Variants in LYRM4 observed in about 807,000 individuals in gnomAD.
LYRM4 encodes the protein LYR motif containing 4, also known as LYR motif-containing protein 4.
LYRM4 carries 9 observed loss-of-function variants against 11.7 expected under a neutral mutation model. The ratio of observed to expected loss-of-function variants is 0.77; its 90% CI spans 0.46 to 1.34. The LOEUF is 1.34. Ranked by LOEUF, LYRM4 falls within the 40% of genes most tolerant of loss-of-function variation. The pLI, the probability that LYRM4 is intolerant of heterozygous loss-of-function variation, is 0.00. For synonymous variants in LYRM4, 42 were observed against 40.4 expected (o/e 1.04, Z -0.15); for missense variants, 133 against 112.5 (o/e 1.18, Z -0.82).
chr6:5,133,982 C>T (rs1242596637), intron 2 of LYRM4, among the ~76,000 whole-genome samples: 1 of 152,168 alleles, frequency 6.6e-6, no homozygotes, highest in African/African-American at 2.4e-5. Flanking sequence ...GTGGAAATAC[C>T]ACATATTGTT....
chr6:5,069,771 GC>G, the LYRM4 span, among the ~76,000 whole-genome samples: 2 of 152,124 alleles, frequency 1.3e-5, no homozygotes, highest in Non-Finnish European at 2.9e-5. Context: ...GAGCCACCGT[GC>G]CCGGCCTACA....
intron 2 of LYRM4, among the ~76,000 whole-genome samples, chr6:5,156,304 C>T (rs1758408491): frequency 6.6e-6 from 1 of 152,186 alleles, no homozygotes; most frequent in Non-Finnish European, 1.5e-5. Context: ...GTGGAGAGCC[C>T]CTGGGTCCTA....
At chr6:5,122,891 A>G (rs1287249483) in intron 2 of LYRM4, among the ~76,000 whole-genome samples, 1 of 152,120 alleles carries the variant, frequency 6.6e-6, no homozygotes, top group Admixed American at 6.5e-5. Context: ...GTCTCCTCCC[A>G]ATGGCTGCAG....
the LYRM4 span, chr6:5,066,764 A>C: frequency 2.7e-6 from 2 of 742,832 alleles, no homozygotes; most frequent in South Asian, 3.2e-5. Context: ...TGGTTACGTA[A>C]CGCTTAAAGT....
At chr6:5,071,206 A>G in the LYRM4 span, among the ~76,000 whole-genome samples, 2 of 147,104 alleles carry the variant, frequency 1.4e-5, no homozygotes, top group Non-Finnish European at 3.0e-5. Flanking sequence ...AAAAAAATTT[A>G]TAATGTAAGT....
chr6:5,149,577 G>A (rs953859013), intron 2 of LYRM4, among the ~76,000 whole-genome samples: 1 of 150,828 alleles, frequency 6.6e-6, no homozygotes, highest in Non-Finnish European at 1.5e-5. Context: ...CTAGAATTAG[G>A]GGAAGCATTA....
At chr6:5,144,228 G>A (rs763762604) in intron 2 of LYRM4, 12 of 1,536,886 alleles carry the variant, frequency 7.8e-6, no homozygotes, top group African/African-American at 2.7e-5. Flanking sequence ...GCTGTTCCCC[G>A]ACTTCCTCCT....
intron 2 of LYRM4, among the ~76,000 whole-genome samples, chr6:5,120,564 G>A (rs1763401255): frequency 6.6e-6 from 1 of 152,206 alleles, no homozygotes; most frequent in African/African-American, 2.4e-5. Context: ...ACGCCAGTGG[G>A]TTGCTGCTGC....
intron 2 of LYRM4, among the ~76,000 whole-genome samples, chr6:5,180,218 T>C (rs987911201): frequency 6.6e-6 from 1 of 152,190 alleles, no homozygotes; most frequent in African/African-American, 2.4e-5. Context: ...TTACACCTCC[T>C]GCTGCTCCAC....
chr6:5,092,631 T>C, the LYRM4 span, among the ~76,000 whole-genome samples: 1 of 151,802 alleles, frequency 6.6e-6, no homozygotes, highest in African/African-American at 2.4e-5. Context: ...GGCAGAACAA[T>C]CCCTTGAACC....
rs886370736 is a variant in LYRM4, at chr6:5,126,510, C to T, written c.208-17019G>A. ...CTACACCCAAGGGAATGAAAACATA[C>T]GCCTCAGAAACGTGCACAAAGATGG... On this transcript the variant is annotated intron_variant, in intron 2 of 2. Coordinates refer to ENST00000330636, the MANE Select transcript of LYRM4 (RefSeq NM_020408.6). Among the ~76,000 whole-genome samples the T allele has an allele frequency of 4.6e-5, 7 of 152,294 alleles. No individual in the cohort carries two copies. In the South Asian group the frequency reaches 6.2e-4, roughly 14 times the overall value.
In LYRM4 at chr6:5,205,436, G is replaced by A. The variant is rs574762974; in HGVS notation, c.207+11182C>T. Among the ~76,000 whole-genome samples, 16 of 150,906 alleles carry A rather than the reference G, an allele frequency of 1.1e-4. 1 individual carries two copies. The South Asian group carries it at 2.0e-3, about 19-fold the overall frequency. ...AGGCTGGCCATAAAATACGACTATC[G>A]GGGGACAGGCTGAACACAGTACAGA... On this transcript the variant is annotated intron_variant, in intron 2 of 2. Transcript: ENST00000330636.
chr6:5,253,549 C>T (rs1331965395), intron 1 of LYRM4, among the ~76,000 whole-genome samples: 3 of 151,982 alleles, frequency 2.0e-5, no homozygotes, highest in Admixed American at 6.6e-5. Flanking sequence ...AAAGCTGCAG[C>T]GACAACTTGC....
intron 1 of LYRM4, among the ~76,000 whole-genome samples, chr6:5,231,746 G>GT (rs1181910283): frequency 6.6e-6 from 1 of 152,188 alleles, no homozygotes. Context: ...ACCACGCACT[G>GT]TAACATAACT....
intron 2 of LYRM4, among the ~76,000 whole-genome samples, chr6:5,207,712 T>G (rs1168885032): frequency 6.6e-6 from 1 of 152,196 alleles, no homozygotes; most frequent in Non-Finnish European, 1.5e-5. Flanking sequence ...TGGTTGAACT[T>G]TCACATTTTC....
At chr6:5,204,986 C>G (rs987212742) in intron 2 of LYRM4, among the ~76,000 whole-genome samples, 1 of 152,304 alleles carries the variant, frequency 6.6e-6, no homozygotes, top group South Asian at 2.1e-4. Flanking sequence ...GAACTCCCTA[C>G]GTTTTCCTAC....
the LYRM4 span, among the ~76,000 whole-genome samples, chr6:5,091,398 C>T: frequency 6.6e-6 from 1 of 152,226 alleles, no homozygotes; most frequent in African/African-American, 2.4e-5. Flanking sequence ...TCTTTGGACT[C>T]CCTTTAGCTG....
intron 2 of LYRM4, among the ~76,000 whole-genome samples, chr6:5,199,707 T>C (rs1348974611): frequency 6.6e-6 from 1 of 152,160 alleles, no homozygotes; most frequent in African/African-American, 2.4e-5. Context: ...TGCCAGGCAA[T>C]TGCCTGAAAA....
At chr6:5,084,389 A>G in the LYRM4 span, among the ~76,000 whole-genome samples, 2 of 151,814 alleles carry the variant, frequency 1.3e-5, no homozygotes, top group Non-Finnish European at 2.9e-5. Context: ...CCACGCCCCC[A>G]CTCCCGGTGG....
Sources: gnomAD v4.1 joint callset for allele counts (sites outside exome capture counted in the v4.1 genomes callset) on GRCh38, gnomAD v4.1.1 for gene constraint, MANE v1.5 for transcripts, NCBI Gene and HGNC (gene_info 2026-07-23, HGNC 2026-07-21) for gene names.